Variants in FASTKD1 observed in about 807,000 individuals in gnomAD.
The protein encoded by FASTKD1 is FAST kinase domains 1, also known as FAST kinase domain-containing protein 1, mitochondrial.
A neutral mutation model predicts 90.9 loss-of-function variants in FASTKD1; 94 were observed. That is an observed-to-expected ratio of 1.03 (90% CI 0.88 to 1.23). The LOEUF is 1.23. FASTKD1 is among the 50% of genes most tolerant of loss of function. The pLI is 0.00. For synonymous variants in FASTKD1, 319 were observed against 345.8 expected (o/e 0.92, Z 0.86); for missense variants, 945 against 993.5 (o/e 0.95, Z 0.66).
intron 7 of FASTKD1, among the ~76,000 whole-genome samples, chr2:169,550,061 G>A (rs73971629): frequency 0.039 from 5,990 of 151,906 alleles, 407 homozygotes; most frequent in African/African-American, 0.14. Context: ...GGAGTCTTAC[G>A]ATGTTTCCCA....
intron 7 of FASTKD1, among the ~76,000 whole-genome samples, chr2:169,554,579 G>C (rs1685659645): frequency 1.8e-5 from 2 of 114,044 alleles, no homozygotes; most frequent in South Asian, 5.2e-4. Flanking sequence ...CAGGAGAATT[G>C]CTTGAACTGG....
intron 14 of FASTKD1, 26 bp from the exon 15 acceptor site, chr2:169,529,952 T>G (rs764457380): frequency 1.6e-5 from 24 of 1,531,604 alleles, no homozygotes; most frequent in South Asian, 5.8e-5. Context: ...GTTGTTTGAA[T>G]GAAAGTTTTA....
chr2:169,540,140 G>T lies in FASTKD1; in HGVS notation c.1856C>A (p.Ser619Tyr). ...TGGAAAATATTCAAGTGTGGCCAAA[G>T]AGAAACCAAGAAACACTAATATAAA... ...DPFILVFLGF[S>Y]LATLEYFPED... is the part of the protein sequence containing the mutation. Residue 619 changes from serine to tyrosine, a missense_variant, in exon 10 of 15, where the codon TCT (serine) becomes TAT (tyrosine). Transcript: ENST00000453153. 1 of 1,601,572 alleles carries T rather than the reference G, an allele frequency of 6.2e-7. No individual in the cohort carries two copies. The highest frequency in any genetic ancestry group is 1.1e-5 in the South Asian group (1 of 89,304).
chr2:169,540,351 C>T (rs1684913367), intron 9 of FASTKD1, among the ~76,000 whole-genome samples, 172 bp from the exon 10 acceptor site: 1 of 151,974 alleles, frequency 6.6e-6, no homozygotes, highest in South Asian at 2.1e-4. Context: ...TGGGTGTGAG[C>T]CAAGTAGGAA....
chr2:169,530,916 AT>A (rs1553534127), intron 13 of FASTKD1: 11 of 697,466 alleles, frequency 1.6e-5, no homozygotes, highest in Non-Finnish European at 2.6e-5. Flanking sequence ...GCTTTCATCC[AT>A]TTTTTTGGTC....
At chr2:169,561,858 G>GTAAATTATTTATTAATTTATTT (rs1185628174) in intron 4 of FASTKD1, among the ~76,000 whole-genome samples, 15 of 117,936 alleles carry the variant, frequency 1.3e-4, no homozygotes, top group Admixed American at 3.4e-4. Context: ...TTAATTTATT[G>GTAAATTATTTATTAATTTATTT]TAAAATAATT....
chr2:169,539,071 C>T (rs1684853493), intron 10 of FASTKD1, among the ~76,000 whole-genome samples: 1 of 151,686 alleles, frequency 6.6e-6, no homozygotes, highest in Admixed American at 6.6e-5. Context: ...AGTTCAACAC[C>T]AACCTGGCCA....
Position 169,552,982 on chromosome 2 carries a change from G to A in FASTKD1, c.1214+2142C>T, listed in dbSNP as rs534544093. ...AGCACTTTCGGAGGCCAAAGCAGGC[G>A]GATCACTTGAGGTCAGGAGATCAAG... On this transcript the variant is annotated intron_variant, in intron 7 of 14. Coordinates refer to ENST00000453153, the MANE Select transcript of FASTKD1 (RefSeq NM_024622.6). Among the ~76,000 whole-genome samples the A allele has an allele frequency of 2.8e-4, 42 of 152,032 alleles. No individual in the cohort carries two copies. In the Middle Eastern group the frequency reaches 0.01, roughly 37 times the overall value.
rs1330751388 is a variant in FASTKD1 at position 169,554,563 on chromosome 2, CTGAGGCAGGAG to C, written c.1214+550_1214+560del. Reference sequence around the variant, plus strand: ...CCTGTATTCCCAGCTACTCGGGAGGCTGAGGCAGGAGAATTGCTTGAACTGGGGAGGCGGAG... The same window carrying C: ...CCTGTATTCCCAGCTACTCGGGAGGCAATTGCTTGAACTGGGGAGGCGGAG... On this transcript the variant is annotated intron_variant, in intron 7 of 14. Transcript: ENST00000453153. 3.7e-3 allele frequency among the ~76,000 whole-genome samples: 455 copies of C among 122,528 alleles called. 37 individuals are homozygous for C. Among genetic ancestry groups the C allele is most frequent in the Non-Finnish European group, 5.7e-3 (297 of 51,718 alleles). 80.4% of individuals were successfully genotyped at this position (122,528 alleles called of 152,430 possible). A position where few individuals can be genotyped will look rare whatever the true frequency, so the allele number is the denominator to read the frequency against.
At chr2:169,550,879 A>T (rs1401295737) in intron 7 of FASTKD1, among the ~76,000 whole-genome samples, 1 of 152,248 alleles carries the variant, frequency 6.6e-6, no homozygotes, top group Non-Finnish European at 1.5e-5. Context: ...ATTTTATATT[A>T]AGAAATGAAA....
chr2:169,560,426 A>AAAATTTG lies in FASTKD1; in HGVS notation c.931_932insCAAATTT (p.Val311AlafsTer12), dbSNP rs1683530506. On this transcript the variant is annotated frameshift_variant, in exon 5 of 15. Transcript: ENST00000453153. LOFTEE classifies it high-confidence loss of function. ...AGGTCCTGCAATGGGTCCCAATGCT[A>AAAATTTG]CAAACAATTTTACAAAGCTAGCAGG... 6.4e-7 allele frequency: 1 copy of AAAATTTG among 1,568,120 alleles called. No homozygotes were observed. Among genetic ancestry groups the AAAATTTG allele is most frequent in the Admixed American group, 2.1e-5 (1 of 48,240 alleles).
chr2:169,565,708 C>G (rs1559160272), intron 3 of FASTKD1, among the ~76,000 whole-genome samples: 1 of 152,212 alleles, frequency 6.6e-6, no homozygotes, highest in Non-Finnish European at 1.5e-5. Context: ...TATACCCAGG[C>G]AGTGGGATTA....
intron 4 of FASTKD1, among the ~76,000 whole-genome samples, chr2:169,561,359 C>G (rs1683589706): frequency 6.6e-6 from 1 of 151,054 alleles, no homozygotes; most frequent in Admixed American, 6.6e-5. Flanking sequence ...TTAATTTTAC[C>G]AAAGTGCTAA....
chr2:169,537,041 C>T, intron 12 of FASTKD1, 186 bp downstream of exon 12: 13 of 239,240 alleles, frequency 5.4e-5, no homozygotes, highest in South Asian at 1.2e-4. Flanking sequence ...TCTTGGTTAT[C>T]AACACTGGGC....
At chr2:169,545,911 A>G (rs968197756) in intron 8 of FASTKD1, among the ~76,000 whole-genome samples, 2 of 152,156 alleles carry the variant, frequency 1.3e-5, no homozygotes, top group African/African-American at 4.8e-5. Flanking sequence ...GGAACAACAA[A>G]TCGCTGAAAT....
chr2:169,557,740 T>A (rs910246344), intron 5 of FASTKD1, among the ~76,000 whole-genome samples: 4 of 152,220 alleles, frequency 2.6e-5, no homozygotes. Flanking sequence ...AAATCTCATA[T>A]ACTAAGCACT....
intron 4 of FASTKD1, among the ~76,000 whole-genome samples, chr2:169,562,082 TATTA>T (rs1683713546): frequency 7.5e-6 from 1 of 133,986 alleles, no homozygotes; most frequent in African/African-American, 2.8e-5. Flanking sequence ...AATAATTATT[TATTA>T]ATTTATTGTA....
chr2:169,537,450 T>A (rs1684775833), intron 11 of FASTKD1, 110 bp from the exon 12 acceptor site: 1 of 633,388 alleles, frequency 1.6e-6, no homozygotes, highest in African/African-American at 1.9e-5. Flanking sequence ...AACGGCGCGA[T>A]CTCAGCTCAC....
chr2:169,546,306 T>G lies in FASTKD1; in HGVS notation c.1613A>C (p.Glu538Ala). The change falls in exon 8 of 15, where the codon GAG (glutamate) becomes GCG (alanine). Residue 538 changes from glutamate to alanine, a missense_variant. Transcript: ENST00000453153. Reference protein sequence around the residue: ...MDDINYINVGEIASFISSTDY... With the variant: ...MDDINYINVGAIASFISSTDY... The stretch of plus-strand genomic sequence containing the variant: ...AGTACTAGAAATAAAAGATGCAATC[T>G]CCCCAACATTTATGTAATTAATATC... 1 of 1,613,838 alleles carries G rather than the reference T, an allele frequency of 6.2e-7. No individual in the cohort carries two copies. Among genetic ancestry groups the G allele is most frequent in the Non-Finnish European group, 8.5e-7 (1 of 1,179,928 alleles).
Sources: gnomAD v4.1 joint callset for allele counts (sites outside exome capture counted in the v4.1 genomes callset) on GRCh38, gnomAD v4.1.1 for gene constraint, MANE v1.5 for transcripts, NCBI Gene and HGNC (gene_info 2026-07-23, HGNC 2026-07-21) for gene names.